The following C4orf36 variants were observed in gnomAD, a reference collection of about 807,000 sequenced individuals.
C4orf36 encodes the protein chromosome 4 open reading frame 36, also known as uncharacterized protein C4orf36.
C4orf36 carries 11 observed loss-of-function variants against 12.2 expected under a neutral mutation model. The ratio of observed to expected loss-of-function variants is 0.90; its 90% CI spans 0.57 to 1.49. The LOEUF (loss-of-function observed/expected upper bound fraction) is 1.49, where lower values mean the gene tolerates loss of function less well. C4orf36 is among the 40% of genes most tolerant of loss of function. The pLI, the probability that C4orf36 is intolerant of heterozygous loss-of-function variation, is 0.00. For missense variants in C4orf36, 137 were observed against 133.9 expected (o/e 1.02, Z -0.11); for synonymous variants, 54 against 51.3 (o/e 1.05, Z -0.22).
chr4:86,886,942 A>C (rs376596676), intron 4 of C4orf36: 21 of 152,192 alleles, frequency 1.4e-4, no homozygotes, highest in African/African-American at 4.8e-4. Context: ...CATAAAAAAT[A>C]ATGAGTTCAT....
In C4orf36 at chr4:86,890,419, A is replaced by G. The variant is rs181323608; in HGVS notation, c.65+1037T>C. On this transcript the variant is annotated intron_variant, in intron 2 of 4. Transcript: ENST00000295898. ...ATGATTCCATGTGTTAAAAAGACATATGTGTGTGTATACATGTGTGTATGT... is the reference window on the plus strand; with the variant it reads ...ATGATTCCATGTGTTAAAAAGACATGTGTGTGTGTATACATGTGTGTATGT... Among the ~76,000 whole-genome samples, 654 of 152,078 alleles carry G rather than the reference A, an allele frequency of 4.3e-3. 3 individuals are homozygous for G. The highest frequency in any genetic ancestry group is 5.3e-3 in the Non-Finnish European group (357 of 67,974).
At chr4:86,916,350 C>T in the C4orf36 span, among the ~76,000 whole-genome samples, 659 of 124,890 alleles carry the variant, frequency 5.3e-3, 2 homozygotes, top group Non-Finnish European at 6.8e-3. Context: ...GACAAAATGA[C>T]ATACTATGTG....
At chr4:86,908,107 C>A in the C4orf36 span, among the ~76,000 whole-genome samples, 1 of 151,970 alleles carries the variant, frequency 6.6e-6, no homozygotes, top group African/African-American at 2.4e-5. Flanking sequence ...CATAGATGCT[C>A]AATAAGTATC....
chr4:86,884,637 G>A (rs1031582611), intron 4 of C4orf36, among the ~76,000 whole-genome samples: 43 of 152,172 alleles, frequency 2.8e-4, no homozygotes, highest in African/African-American at 1.0e-3. Flanking sequence ...CAAAAACAAA[G>A]TGAGTTCTAC....
Position 86,876,340 on chromosome 4 carries a change from G to A in C4orf36, c.*106C>T. 1 of 1,538,150 alleles carries A rather than the reference G, an allele frequency of 6.5e-7. No homozygotes were observed. ...AGGTGGGGGCCGGGCCAGGATGGCTGCAGCGCAGCGACGGCCGGGGCCGGG... is the reference window on the plus strand; with the variant it reads ...AGGTGGGGGCCGGGCCAGGATGGCTACAGCGCAGCGACGGCCGGGGCCGGG... On this transcript the variant is annotated 3_prime_UTR_variant, in exon 5 of 5. Coordinates refer to ENST00000295898, the MANE Select transcript of C4orf36 (RefSeq NM_144645.4).
At chr4:86,898,534 T>C in the C4orf36 span, among the ~76,000 whole-genome samples, 1 of 152,030 alleles carries the variant, frequency 6.6e-6, no homozygotes, top group Non-Finnish European at 1.5e-5. Flanking sequence ...CCTTCTCTAT[T>C]TTTTTAAATA....
chr4:86,917,379 G>A, the C4orf36 span, among the ~76,000 whole-genome samples: 3 of 139,490 alleles, frequency 2.2e-5, no homozygotes, highest in South Asian at 2.3e-4. Flanking sequence ...AAGGAAGGAA[G>A]GAAAGGAAGG....
chr4:86,899,459 A>C, the C4orf36 span, among the ~76,000 whole-genome samples: 3 of 152,206 alleles, frequency 2.0e-5, no homozygotes, highest in African/African-American at 7.2e-5. Flanking sequence ...AATGTTAAGG[A>C]AAGTCTCTAA....
intron 4 of C4orf36, 105 bp from the exon 5 acceptor site, chr4:86,876,548 T>C: frequency 6.2e-7 from 1 of 1,613,970 alleles, no homozygotes; most frequent in Non-Finnish European, 8.5e-7. Flanking sequence ...TATTGTACAG[T>C]TTACAAGGAC....
At chr4:86,936,030 TGCGG>T in the C4orf36 span, 1 of 152,120 alleles carries the variant, frequency 6.6e-6, no homozygotes, top group Non-Finnish European at 1.5e-5. Flanking sequence ...GCGACGGGCC[TGCGG>T]GCGGTTCGAT....
At chr4:86,897,435 T>C in the C4orf36 span, among the ~76,000 whole-genome samples, 139,969 of 152,180 alleles carry the variant, frequency 0.92, 65,234 homozygotes, top group Non-Finnish European at 1. Flanking sequence ...TAGTAAGTTG[T>C]AGAGCCAGAT....
At chr4:86,919,600 C>A in the C4orf36 span, among the ~76,000 whole-genome samples, 1 of 152,128 alleles carries the variant, frequency 6.6e-6, no homozygotes, top group Non-Finnish European at 1.5e-5. Context: ...GCTCGGATTA[C>A]AGGCATGAGC....
chr4:86,902,584 G>A, the C4orf36 span, among the ~76,000 whole-genome samples: 2,855 of 152,216 alleles, frequency 0.019, 92 homozygotes, highest in African/African-American at 0.064. Flanking sequence ...ATCCCCCAGC[G>A]TGGTACCTTG....
the C4orf36 span, chr4:86,913,926 G>T: frequency 7.3e-7 from 1 of 1,364,984 alleles, no homozygotes; most frequent in Non-Finnish European, 1.0e-6. Context: ...CCGGGCTCAC[G>T]CCATTCTCCT....
the C4orf36 span, among the ~76,000 whole-genome samples, chr4:86,909,392 A>G: frequency 6.6e-6 from 1 of 152,202 alleles, no homozygotes; most frequent in Non-Finnish European, 1.5e-5. Context: ...TGTCAGCACT[A>G]GAATTTTCCT....
chr4:86,890,639 A>G (rs1034387266), intron 2 of C4orf36, among the ~76,000 whole-genome samples: 1 of 152,176 alleles, frequency 6.6e-6, no homozygotes, highest in East Asian at 1.9e-4. Flanking sequence ...TGGTTTTATA[A>G]TCCCGTAGGG....
rs918746575 is a variant in C4orf36 at position 86,891,536 on chromosome 4, T to A, written c.-16A>T. ...CATACGCCATGGTGAGTTATTACGG[T>A]ATGATTTCGTTACATAGGTGCCTGA... On this transcript the variant is annotated 5_prime_UTR_variant, in exon 2 of 5. Transcript: ENST00000295898. 4 of 1,613,886 alleles carry A rather than the reference T, an allele frequency of 2.5e-6. No individual in the cohort carries two copies. Among genetic ancestry groups the A allele is most frequent in the African/African-American group, 1.3e-5 (1 of 74,916 alleles).
At chr4:86,893,201 G>C (rs369146713), upstream of C4orf36, among the ~76,000 whole-genome samples, 1 of 152,182 alleles carries the variant, frequency 6.6e-6, no homozygotes, top group African/African-American at 2.4e-5. Context: ...TTGTGGAGCC[G>C]ACGAATGAGT....
chr4:86,928,963 C>T, the C4orf36 span, among the ~76,000 whole-genome samples: 1 of 152,140 alleles, frequency 6.6e-6, no homozygotes, highest in South Asian at 2.1e-4. Flanking sequence ...TTAGTTACTA[C>T]CTCTGCCAGG....
Sources: gnomAD v4.1 joint callset for allele counts (sites outside exome capture counted in the v4.1 genomes callset) on GRCh38, gnomAD v4.1.1 for gene constraint, MANE v1.5 for transcripts, NCBI Gene and HGNC (gene_info 2026-07-23, HGNC 2026-07-21) for gene names.